ZBTB46: variants seen among roughly 807,000 people sequenced by gnomAD.
ZBTB46 encodes zinc finger and BTB domain-containing protein 46.
A neutral mutation model predicts 44.1 loss-of-function variants in ZBTB46; 8 were observed. The observed-to-expected ratio is 0.18, with a 90% CI of 0.11 to 0.33. The LOEUF (loss-of-function observed/expected upper bound fraction) is 0.33, where lower values mean the gene tolerates loss of function less well. Ranked by LOEUF, ZBTB46 falls within the 10% of genes least tolerant of loss-of-function variation. The pLI, the probability that ZBTB46 is intolerant of heterozygous loss-of-function variation, is 1.00. For synonymous variants in ZBTB46, 409 were observed against 382.3 expected (o/e 1.07, Z -0.81); for missense variants, 651 against 847.7 (o/e 0.77, Z 2.88).
At chr20:63,807,820 C>T (rs570672894) in intron 1 of ZBTB46, among the ~76,000 whole-genome samples, 1 of 152,280 alleles carries the variant, frequency 6.6e-6, no homozygotes, top group Non-Finnish European at 1.5e-5. Context: ...CTCGCTCCCC[C>T]TCCGAGCGGG....
At chr20:63,814,354 C>T (rs1010469200) in intron 1 of ZBTB46, among the ~76,000 whole-genome samples, 5 of 152,004 alleles carry the variant, frequency 3.3e-5, no homozygotes, top group Admixed American at 1.3e-4. Flanking sequence ...GCGACGTGGA[C>T]GTTCTCTCTA....
chr20:63,781,010 G>C (rs571996854), intron 2 of ZBTB46, among the ~76,000 whole-genome samples: 2 of 149,296 alleles, frequency 1.3e-5, no homozygotes, highest in African/African-American at 4.9e-5. Context: ...GCGCGGTGGC[G>C]GGTGCCTGTA....
intron 1 of ZBTB46, among the ~76,000 whole-genome samples, chr20:63,815,636 T>G (rs1048739399): frequency 1.5e-5 from 2 of 133,186 alleles, no homozygotes; most frequent in Non-Finnish European, 3.2e-5. Context: ...GCAGGTGCAG[T>G]GGGTACAGGT....
chr20:63,758,412 C>T (rs1184662222), intron 3 of ZBTB46, among the ~76,000 whole-genome samples: 1 of 152,012 alleles, frequency 6.6e-6, no homozygotes, highest in Non-Finnish European at 1.5e-5. Context: ...CTGCATTTCC[C>T]CCTCTCCCTC....
chr20:63,759,954 A>T (rs1020494785), intron 3 of ZBTB46, among the ~76,000 whole-genome samples: 4 of 152,140 alleles, frequency 2.6e-5, no homozygotes, highest in African/African-American at 7.2e-5. Context: ...TTGATTCCAA[A>T]CACTCACTTA....
At chr20:63,832,429 C>G (rs539240671), upstream of ZBTB46, among the ~76,000 whole-genome samples, 2 of 152,336 alleles carry the variant, frequency 1.3e-5, no homozygotes, top group South Asian at 4.1e-4. This position sits in a 1 kb window ranked among gnomAD's most constrained non-coding sequence, Gnocchi z 5.0. Context: ...GCCTGCCTCC[C>G]TGCGGGCCCA....
At position 63,752,561 on chromosome 20, in the gene ZBTB46, C is replaced by T; in HGVS notation, c.1398+125G>A. 1.7e-6 allele frequency: 2 copies of T among 1,183,242 alleles called. No individual in the cohort carries two copies. Among genetic ancestry groups the T allele is most frequent in the Non-Finnish European group, 2.2e-6 (2 of 902,592 alleles). 73.3% of individuals were successfully genotyped at this position (1,183,242 alleles called of 1,614,324 possible). A position where few individuals can be genotyped will look rare whatever the true frequency, so the allele number is the denominator to read the frequency against. ...GGGGCGGATCTCCCTGCCCTGCTGT[C>T]GTCCCCCCTGTGCAGAGTGGACCCG... is the stretch of plus-strand genomic sequence containing the variant. On this transcript the variant is annotated intron_variant, in intron 4 of 4. Coordinates refer to ENST00000245663, the MANE Select transcript of ZBTB46 (RefSeq NM_001369741.1). The surrounding 1 kb of genome is among the most constrained non-coding windows in gnomAD (Gnocchi z 5.6).
At chr20:63,769,216 G>C in intron 3 of ZBTB46, 2 of 985,416 alleles carry the variant, frequency 2.0e-6, no homozygotes, top group Non-Finnish European at 2.4e-6. Flanking sequence ...TGGCCCAGTT[G>C]CCCCAGACAA....
intron 3 of ZBTB46, among the ~76,000 whole-genome samples, chr20:63,766,470 C>T (rs2092321288): frequency 6.6e-6 from 1 of 151,708 alleles, no homozygotes; most frequent in Non-Finnish European, 1.5e-5. Flanking sequence ...CCCACCTTGG[C>T]CTCCCAAAGT....
intron 1 of ZBTB46, among the ~76,000 whole-genome samples, chr20:63,827,846 T>C (rs2092828185): frequency 6.6e-6 from 1 of 151,370 alleles, no homozygotes; most frequent in Non-Finnish European, 1.5e-5. Context: ...GCATAAATCA[T>C]ACTTAGGTCA....
At chr20:63,747,648 A>G (rs2092117557) in intron 4 of ZBTB46, among the ~76,000 whole-genome samples, 1 of 151,938 alleles carries the variant, frequency 6.6e-6, no homozygotes, top group Admixed American at 6.5e-5. Context: ...GTGCGCAGAC[A>G]GGAGTGCTCA....
At chr20:63,818,968 T>A (rs1255496669) in intron 1 of ZBTB46, among the ~76,000 whole-genome samples, 1 of 147,058 alleles carries the variant, frequency 6.8e-6, no homozygotes, top group Non-Finnish European at 1.5e-5. Context: ...AGGTCAGGAG[T>A]TCAAGACCGC....
chr20:63,832,987 A>C (rs1436412135), upstream of ZBTB46, among the ~76,000 whole-genome samples: 1 of 151,970 alleles, frequency 6.6e-6, no homozygotes, highest in Non-Finnish European at 1.5e-5. This position sits in a 1 kb window ranked among gnomAD's most constrained non-coding sequence, Gnocchi z 5.0. Context: ...AGCCAAAGCA[A>C]GGAGGACCAG....
At chr20:63,804,978 T>C (rs2092672626) in intron 1 of ZBTB46, among the ~76,000 whole-genome samples, 1 of 148,802 alleles carries the variant, frequency 6.7e-6, no homozygotes, top group Non-Finnish European at 1.5e-5. Context: ...TGGAGTGCAG[T>C]GACACGATCT....
At chr20:63,783,909 G>T (rs999988933) in intron 2 of ZBTB46, among the ~76,000 whole-genome samples, 2 of 152,178 alleles carry the variant, frequency 1.3e-5, no homozygotes, top group Non-Finnish European at 2.9e-5. Context: ...AGGTGTTCAG[G>T]AGGCGAAACA....
chr20:63,777,425 C>A (rs1172805296), intron 2 of ZBTB46, among the ~76,000 whole-genome samples: 1 of 152,150 alleles, frequency 6.6e-6, no homozygotes, highest in Non-Finnish European at 1.5e-5. Context: ...TGTGATCGAG[C>A]CACTGTACTC....
In ZBTB46 at chr20:63,744,566, A is replaced by T. The variant is rs901779104; in HGVS notation, c.*2364T>A. 4 of 151,996 alleles carry T rather than the reference A, an allele frequency of 2.6e-5. No individual in the cohort carries two copies. The highest frequency in any genetic ancestry group is 2.1e-4 in the South Asian group (1 of 4,812). The allele number at this position is 151,996 out of a possible 1,614,324, so 9.4% of individuals were successfully genotyped here. A position where few individuals can be genotyped will look rare whatever the true frequency, so the allele number is the denominator to read the frequency against. On this transcript the variant is annotated 3_prime_UTR_variant, in exon 5 of 5. Transcript: ENST00000245663. ...TATTTATTAGTTTGAACATCGATTT[A>T]AAAAAAAATCAGTCACATAAAAAAA...
At position 63,826,766 on chromosome 20, in the gene ZBTB46, G is replaced by A. The variant is rs909484590; in HGVS notation, c.-34+4331C>T. Among the ~76,000 whole-genome samples the A allele has an allele frequency of 2.0e-5, 3 of 152,204 alleles. No homozygotes were observed. In the South Asian group the frequency reaches 6.2e-4, roughly 31 times the overall value. On this transcript the variant is annotated intron_variant, in intron 1 of 4. Coordinates refer to ENST00000245663, the MANE Select transcript of ZBTB46 (RefSeq NM_001369741.1). ...CACGGATGACTTTTCCAAAAAGACA[G>A]CGAGTGTCCTTGGGAAGGCATTATG...
At position 63,743,986 on chromosome 20, in the gene ZBTB46, T is replaced by G. The variant is rs1459226323; in HGVS notation, c.*2944A>C. The G allele has an allele frequency of 6.6e-6, 1 of 152,320 alleles. No homozygotes were observed. The highest frequency in any genetic ancestry group is 1.5e-5 in the Non-Finnish European group (1 of 68,044). 9.4% of individuals were successfully genotyped at this position (152,320 alleles called of 1,614,324 possible). A position where few individuals can be genotyped will look rare whatever the true frequency, so the allele number is the denominator to read the frequency against. On this transcript the variant is annotated 3_prime_UTR_variant, in exon 5 of 5. Coordinates refer to ENST00000245663, the MANE Select transcript of ZBTB46 (RefSeq NM_001369741.1). ...CAATCTTCAAACACTGCCCTTTTTTTGTGTGTTTTGTTTTTGTTGACAGGT... is the reference window on the plus strand; with the variant it reads ...CAATCTTCAAACACTGCCCTTTTTTGGTGTGTTTTGTTTTTGTTGACAGGT...
Sources: gnomAD v4.1 joint callset for allele counts (sites outside exome capture counted in the v4.1 genomes callset) on GRCh38, gnomAD v4.1.1 for gene constraint, Gnocchi (gnomAD v3.1) non-coding constraint, MANE v1.5 for transcripts, NCBI Gene and HGNC (gene_info 2026-07-23, HGNC 2026-07-21) for gene names.